Variants in LYPLAL1 observed in about 807,000 individuals in gnomAD.
LYPLAL1 encodes the protein lysophospholipase-like protein 1.
LYPLAL1 carries 23 observed loss-of-function variants against 19.7 expected under a neutral mutation model. The ratio of observed to expected loss-of-function variants is 1.17; its 90% CI spans 0.84 to 1.65. LYPLAL1 has a LOEUF of 1.65. LYPLAL1 is among the 40% of genes most tolerant of loss of function. The pLI, the probability that LYPLAL1 is intolerant of heterozygous loss-of-function variation, is 0.00. For missense variants in LYPLAL1, 355 were observed against 279.4 expected (o/e 1.27, Z -1.93); for synonymous variants, 119 against 96.3 (o/e 1.24, Z -1.38).
chr1:219,204,668 C>T (rs1389159123), intron 3 of LYPLAL1, among the ~76,000 whole-genome samples: 1 of 152,066 alleles, frequency 6.6e-6, no homozygotes, highest in Non-Finnish European at 1.5e-5. Context: ...ATTAGATCTC[C>T]TGGGTCTTGC....
the LYPLAL1 span, among the ~76,000 whole-genome samples, chr1:219,389,839 GATGA>G: frequency 1.3e-5 from 2 of 152,116 alleles, no homozygotes; most frequent in Non-Finnish European, 2.9e-5. Context: ...ATCAAGAATG[GATGA>G]TAAAGGCAAT....
At chr1:219,262,455 G>A in the LYPLAL1 span, among the ~76,000 whole-genome samples, 6 of 152,092 alleles carry the variant, frequency 3.9e-5, no homozygotes, top group South Asian at 8.3e-4. Context: ...CTTCTGATTT[G>A]GGTACACTAT....
chr1:219,290,614 G>C, the LYPLAL1 span, among the ~76,000 whole-genome samples: 1 of 152,250 alleles, frequency 6.6e-6, no homozygotes, highest in Admixed American at 6.5e-5. Flanking sequence ...ATTGTACCTA[G>C]AGTGGGAGCA....
the LYPLAL1 span, among the ~76,000 whole-genome samples, chr1:219,375,254 G>A: frequency 2.0e-5 from 3 of 152,082 alleles, no homozygotes; most frequent in African/African-American, 2.4e-5. Context: ...ATCACCTTAG[G>A]TCAGGAGTTT....
the LYPLAL1 span, among the ~76,000 whole-genome samples, chr1:219,416,330 C>G: frequency 6.6e-6 from 1 of 152,144 alleles, no homozygotes; most frequent in South Asian, 2.1e-4. Flanking sequence ...GAGTACTGCT[C>G]AGGGATTTTT....
At chr1:219,180,455 A>C (rs1288833376) in intron 2 of LYPLAL1, among the ~76,000 whole-genome samples, 1 of 152,112 alleles carries the variant, frequency 6.6e-6, no homozygotes, top group Non-Finnish European at 1.5e-5. Context: ...GAACAAAATG[A>C]TAATGTAAGA....
intron 3 of LYPLAL1, among the ~76,000 whole-genome samples, chr1:219,204,635 G>A (rs953533832): frequency 2.0e-5 from 3 of 152,174 alleles, no homozygotes; most frequent in African/African-American, 7.2e-5. Flanking sequence ...AATGTTTTAA[G>A]TTCTGAAGTT....
At chr1:219,413,091 A>G in the LYPLAL1 span, among the ~76,000 whole-genome samples, 1 of 152,188 alleles carries the variant, frequency 6.6e-6, no homozygotes, top group African/African-American at 2.4e-5. Context: ...GCAGGATGTA[A>G]CTGAGTCAGC....
the LYPLAL1 span, among the ~76,000 whole-genome samples, chr1:219,249,572 T>C: frequency 6.6e-6 from 1 of 152,024 alleles, no homozygotes; most frequent in African/African-American, 2.4e-5. Flanking sequence ...TCATAGGTGA[T>C]GCTAATGTTT....
the LYPLAL1 span, among the ~76,000 whole-genome samples, chr1:219,388,935 G>A: frequency 1.8e-4 from 27 of 151,978 alleles, no homozygotes; most frequent in African/African-American, 6.0e-4. Context: ...CTTCTTAATA[G>A]GATTGTGGAC....
intron 2 of LYPLAL1, among the ~76,000 whole-genome samples, chr1:219,189,084 C>T (rs1414651340): frequency 6.6e-6 from 1 of 151,698 alleles, no homozygotes. Context: ...AACATACTTA[C>T]ATTGGGATTC....
chr1:219,352,595 A>G, the LYPLAL1 span, among the ~76,000 whole-genome samples: 8 of 152,214 alleles, frequency 5.3e-5, no homozygotes, highest in Non-Finnish European at 8.8e-5. Flanking sequence ...TGAAAACATT[A>G]AGAATATAGT....
the LYPLAL1 span, among the ~76,000 whole-genome samples, chr1:219,337,947 CT>C: frequency 6.6e-6 from 1 of 152,034 alleles, no homozygotes; most frequent in South Asian, 2.1e-4. Flanking sequence ...CACATGCTAG[CT>C]GTTTCATCTT....
the LYPLAL1 span, among the ~76,000 whole-genome samples, chr1:219,330,413 C>A: frequency 6.6e-6 from 1 of 152,140 alleles, no homozygotes; most frequent in Non-Finnish European, 1.5e-5. Flanking sequence ...ATGAATGAAA[C>A]TGTAATTTTC....
chr1:219,338,630 G>T, the LYPLAL1 span, among the ~76,000 whole-genome samples: 1 of 151,428 alleles, frequency 6.6e-6, no homozygotes, highest in East Asian at 1.9e-4. Flanking sequence ...AACAAAAACA[G>T]AAGTGGTAAT....
intron 3 of LYPLAL1, among the ~76,000 whole-genome samples, chr1:219,194,845 A>G (rs1395946642): frequency 6.6e-6 from 1 of 152,222 alleles, no homozygotes; most frequent in Admixed American, 6.6e-5. Context: ...ATTACAGTGT[A>G]GAAGTCTAGG....
chr1:219,221,787 T>C, the LYPLAL1 span, among the ~76,000 whole-genome samples: 1 of 152,200 alleles, frequency 6.6e-6, no homozygotes, highest in African/African-American at 2.4e-5. Context: ...TACATCTGGC[T>C]GTTTCCAATC....
At chr1:219,302,890 G>A in the LYPLAL1 span, among the ~76,000 whole-genome samples, 1 of 152,046 alleles carries the variant, frequency 6.6e-6, no homozygotes, top group Non-Finnish European at 1.5e-5. Flanking sequence ...ACATGCATTA[G>A]CCATTCACCA....
the LYPLAL1 span, among the ~76,000 whole-genome samples, chr1:219,284,612 G>T: frequency 6.6e-6 from 1 of 151,828 alleles, no homozygotes; most frequent in African/African-American, 2.4e-5. Flanking sequence ...CTATACATAT[G>T]CTACATATAT....
Sources: allele counts gnomAD v4.1 joint callset (sites outside exome capture counted in the v4.1 genomes callset), GRCh38; gene constraint gnomAD v4.1.1; transcripts MANE v1.5; gene names NCBI Gene and HGNC (gene_info 2026-07-23, HGNC 2026-07-21).